Variants in DLG1 observed in about 807,000 individuals in gnomAD.
DLG1 encodes the protein discs large MAGUK scaffold protein 1.
DLG1 carries 42 observed loss-of-function variants against 123.4 expected under a neutral mutation model. The observed-to-expected ratio is 0.34, with a 90% CI of 0.27 to 0.44. DLG1 has a LOEUF of 0.44. Among genes scored for constraint, DLG1 ranks in the 20% least tolerant of loss-of-function variants. The pLI is 1.00. For synonymous variants in DLG1, 317 were observed against 356.2 expected (o/e 0.89, Z 1.24); for missense variants, 942 against 1,082.6 (o/e 0.87, Z 1.82).
intron 1 of DLG1, 169 bp from the exon 2 acceptor site, chr3:197,297,404 G>A: frequency 2.1e-6 from 3 of 1,430,724 alleles, no homozygotes; most frequent in Non-Finnish European, 2.7e-6. Context: ...AACGTGGAAA[G>A]CTTTTCCTTG....
chr3:197,237,199 T>G (rs1315514223), intron 4 of DLG1, among the ~76,000 whole-genome samples: 1 of 152,132 alleles, frequency 6.6e-6, no homozygotes, highest in African/African-American at 2.4e-5. Context: ...ACTAAAATCT[T>G]TGGCCATTAT....
intron 14 of DLG1, among the ~76,000 whole-genome samples, chr3:197,092,600 A>G (rs1758361515): frequency 6.6e-6 from 1 of 152,104 alleles, no homozygotes; most frequent in East Asian, 1.9e-4. Flanking sequence ...TCCTGGGCTC[A>G]AGCAATCCTG....
chr3:197,150,110 T>C (rs558179092), intron 5 of DLG1, among the ~76,000 whole-genome samples: 1 of 152,178 alleles, frequency 6.6e-6, no homozygotes, highest in Non-Finnish European at 1.5e-5. Flanking sequence ...CCAATAACTC[T>C]TCCTAGGTTG....
chr3:197,256,670 ATAAT>A (rs1757014221), intron 4 of DLG1, among the ~76,000 whole-genome samples: 3 of 152,366 alleles, frequency 2.0e-5, no homozygotes, highest in African/African-American at 7.2e-5. Flanking sequence ...TAAACTAAAA[ATAAT>A]TAGTTTAGAA....
intron 11 of DLG1, among the ~76,000 whole-genome samples, chr3:197,125,034 G>C (rs1281983235): frequency 6.6e-6 from 1 of 152,074 alleles, no homozygotes; most frequent in African/African-American, 2.4e-5. Flanking sequence ...TTTTCAACAG[G>C]AACAATGACA....
intron 3 of DLG1, among the ~76,000 whole-genome samples, chr3:197,292,227 T>C (rs1192970565): frequency 6.6e-6 from 1 of 152,146 alleles, no homozygotes; most frequent in Non-Finnish European, 1.5e-5. Flanking sequence ...CAACTGTCCA[T>C]CAATGGATGG....
intron 18 of DLG1, chr3:197,069,889 C>T (rs1031581988): frequency 5.9e-5 from 9 of 152,110 alleles, no homozygotes; most frequent in Admixed American, 2.6e-4. Context: ...GATGTCTCAG[C>T]TGGAAGGGAA....
intron 23 of DLG1, among the ~76,000 whole-genome samples, chr3:197,056,711 G>C (rs183514081): frequency 1.3e-5 from 2 of 151,978 alleles, no homozygotes; most frequent in African/African-American, 4.8e-5. Flanking sequence ...TAGAAAAATC[G>C]TATCATACAG....
chr3:197,060,090 C>T (rs762362195), intron 22 of DLG1, 92 bp from the exon 23 acceptor site: 58 of 843,328 alleles, frequency 6.9e-5, no homozygotes, highest in Non-Finnish European at 1.1e-4. Context: ...CAGTCTAAAT[C>T]ATGATCTGTT....
intron 8 of DLG1, among the ~76,000 whole-genome samples, chr3:197,138,985 G>A (rs540570133): frequency 1.3e-5 from 2 of 152,264 alleles, no homozygotes; most frequent in Admixed American, 6.5e-5. Flanking sequence ...AATTTTCTGA[G>A]TGCCTATTCC....
intron 4 of DLG1, among the ~76,000 whole-genome samples, chr3:197,253,924 TAA>T (rs533885468): frequency 6.9e-6 from 1 of 144,170 alleles, no homozygotes. Context: ...AAGGTTTAAT[TAA>T]AAAAAAAAAG....
chr3:197,180,804 A>G (rs1403825633), intron 5 of DLG1, among the ~76,000 whole-genome samples: 5 of 152,166 alleles, frequency 3.3e-5, no homozygotes. Context: ...TTGTGAGGGA[A>G]GAGAGAAGAT....
At chr3:197,153,087 GA>G (rs1181621993) in intron 5 of DLG1, among the ~76,000 whole-genome samples, 9 of 152,116 alleles carry the variant, frequency 5.9e-5, no homozygotes, top group Admixed American at 2.6e-4. Flanking sequence ...ACTCAATTAT[GA>G]ACAAGTGCTT....
intron 14 of DLG1, among the ~76,000 whole-genome samples, chr3:197,091,420 T>TG (rs1757668645): frequency 1.3e-5 from 2 of 152,122 alleles, no homozygotes; most frequent in South Asian, 4.1e-4. Context: ...ATACACTAGA[T>TG]GCTTTGATTA....
chr3:197,114,935 G>A (rs937224060), intron 13 of DLG1, among the ~76,000 whole-genome samples: 4 of 141,574 alleles, frequency 2.8e-5, no homozygotes, highest in Admixed American at 7.6e-5. Flanking sequence ...AGCCAAGATC[G>A]CGCCACTGCA....
intron 3 of DLG1, among the ~76,000 whole-genome samples, chr3:197,290,342 G>T (rs886180619): frequency 6.6e-6 from 1 of 152,118 alleles, no homozygotes; most frequent in Non-Finnish European, 1.5e-5. Flanking sequence ...TGCTAAATAT[G>T]GGTGGAAATT....
chr3:197,055,049 A>T (rs570400674), intron 23 of DLG1, among the ~76,000 whole-genome samples: 3 of 152,128 alleles, frequency 2.0e-5, no homozygotes, highest in Non-Finnish European at 4.4e-5. Context: ...TACCGAACTC[A>T]GGTGTTCTGC....
intron 2 of DLG1, 97 bp from the exon 3 acceptor site, chr3:197,296,574 C>T (rs3852013): frequency 3.5e-6 from 4 of 1,127,110 alleles, no homozygotes; most frequent in Admixed American, 3.8e-5. Context: ...TAAATAGTTC[C>T]GCAAATCCTT....
intron 4 of DLG1, among the ~76,000 whole-genome samples, chr3:197,271,946 A>G (rs1296206091): frequency 2.0e-5 from 3 of 152,226 alleles, no homozygotes; most frequent in African/African-American, 7.2e-5. Context: ...CCACCTAAGA[A>G]TACACAAAAT....
Sources: allele counts gnomAD v4.1 joint callset (sites outside exome capture counted in the v4.1 genomes callset), GRCh38; gene constraint gnomAD v4.1.1; transcripts MANE v1.5; gene names NCBI Gene and HGNC (gene_info 2026-07-23, HGNC 2026-07-21).